FBXL19: variants seen among roughly 807,000 people sequenced by gnomAD.
FBXL19 encodes F-box/LRR-repeat protein 19.
Under a neutral mutation model 71.2 loss-of-function variants are expected in FBXL19, and 16 were observed. That is an observed-to-expected ratio of 0.22 (90% confidence interval 0.15 to 0.34). FBXL19 has a LOEUF of 0.34. Among genes scored for constraint, FBXL19 ranks in the 10% least tolerant of loss-of-function variants. The probability of loss-of-function intolerance (pLI) is 1.00; values close to 1 mark genes in which losing one functional copy is unlikely to be tolerated. For missense variants in FBXL19, 658 were observed against 968.2 expected, an observed-to-expected ratio of 0.68 and a Z score of 4.25; for synonymous variants, 447 against 409.4, an observed-to-expected ratio of 1.09 and a Z score of -1.11.
Position 30,930,407 on chromosome 16 carries a change from C to A in FBXL19, c.1124C>A (p.Pro375Gln). Residue 375 changes from proline (P) to glutamine (Q), a missense_variant, in exon 7 of 11, where the codon CCA (proline) becomes CAA (glutamine). Pro to Gln is a moderately conservative substitution (Grantham distance 76). Transcript: ENST00000338343. This position sits in a 1 kb window ranked among gnomAD's most constrained non-coding sequence, Gnocchi z 8.5. ...PLGPAPPPRP[P>Q]QLERHVVRPP... is the part of the protein sequence containing the mutation. ...GGCCCAGCCCCACCACCCCGGCCTC[C>A]ACAGCTGGAGCGGCACGTGGTGCGG... 1 of 1,528,218 alleles carries A rather than the reference C, an allele frequency of 6.5e-7. No individual in the cohort carries two copies. The highest frequency in any genetic ancestry group is 8.8e-7 in the Non-Finnish European group (1 of 1,142,552). The allele number at this position is 1,528,218 out of a possible 1,614,324, so 94.7% of individuals were successfully genotyped here. A position where few individuals can be genotyped will look rare whatever the true frequency, so the allele number is the denominator to read the frequency against.
rs1435101807 is a variant in FBXL19, at chr16:30,927,928, G to C, written c.592G>C (p.Glu198Gln). 2.6e-6 allele frequency: 4 copies of C among 1,542,826 alleles called. No individual in the cohort carries two copies. The highest frequency in any genetic ancestry group is 3.5e-6 in the Non-Finnish European group (4 of 1,152,540). ...VPGPPKRKER[E>Q]AGNEPPTPRK... The stretch of plus-strand genomic sequence containing the variant: ...TGGGCCCCCCAAACGAAAGGAAAGG[G>C]AGGCAGGGAATGAGCCTCCCACCCC... Residue 198 changes from glutamate (E) to glutamine (Q), a missense_variant, in exon 5 of 11, where the codon GAG (glutamate) becomes CAG (glutamine). Glu to Gln is a conservative substitution (Grantham distance 29, BLOSUM62 2). This residue lies in a region of FBXL19 where 447 missense variants were observed against 515.4 expected (regional missense o/e 0.87). Coordinates refer to ENST00000338343, the MANE Select transcript of FBXL19 (RefSeq NM_001382779.1).
At chr16:30,941,551 T>A (rs1325080107) in intron 7 of FBXL19, among the ~76,000 whole-genome samples, 1 of 151,990 alleles carries the variant, frequency 6.6e-6, no homozygotes, top group African/African-American at 2.4e-5. Context: ...AGTAATGTAA[T>A]AGGGAAGATA....
chr16:30,937,726 A>G (rs4889571), intron 7 of FBXL19, among the ~76,000 whole-genome samples: 81,301 of 152,024 alleles, frequency 0.53, 24,206 homozygotes, highest in East Asian at 0.91. Flanking sequence ...ACGTGTTGGC[A>G]TCAGACAGCA....
In FBXL19 at chr16:30,925,907, G is replaced by A. The variant is rs377258541; in HGVS notation, c.153G>A (p.Ser51=). The stretch of plus-strand genomic sequence containing the variant: ...GGGGGCCCGGGCGCATGAAGCAGTC[G>A]TGCCTGCTCCGGCAGTGCACTGCCG... ...KFGGPGRMKQ[S]CLLRQCTAPV... The change falls in exon 2 of 11, where the codon TCG becomes TCA. Residue 51 remains serine (S), a synonymous_variant. Transcript: ENST00000338343. The surrounding 1 kb of genome is among the most constrained non-coding windows in gnomAD (Gnocchi z 5.0). The A allele has an allele frequency of 1.2e-4, 176 of 1,496,210 alleles. No individual in the cohort carries two copies. The highest frequency in any genetic ancestry group is 5.2e-4 in the Admixed American group (21 of 40,528). 92.7% of individuals were successfully genotyped at this position (1,496,210 alleles called of 1,614,324 possible). A position where few individuals can be genotyped will look rare whatever the true frequency, so the allele number is the denominator to read the frequency against.
At chr16:30,944,346 C>G (rs2055835700) in intron 9 of FBXL19, among the ~76,000 whole-genome samples, 2 of 151,738 alleles carry the variant, frequency 1.3e-5, no homozygotes, top group African/African-American at 2.4e-5. Context: ...TCTCCTGATC[C>G]TCTCCCTCCT....
At chr16:30,935,991 A>G (rs1447349875) in intron 7 of FBXL19, among the ~76,000 whole-genome samples, 3 of 152,132 alleles carry the variant, frequency 2.0e-5, no homozygotes, top group Non-Finnish European at 4.4e-5. Context: ...GACGCCCACC[A>G]TCGCAGTCCT....
At position 30,930,041 on chromosome 16, in the gene FBXL19, C is replaced by G; in HGVS notation, c.790-32C>G. On this transcript the variant is annotated intron_variant, in intron 6 of 10. Transcript: ENST00000338343. The surrounding 1 kb of genome is among the most constrained non-coding windows in gnomAD (Gnocchi z 8.5). Reference sequence around the variant, plus strand: ...GGGGGTGGGAAAATGTATCCCAGGCCCTAGAACAGCATCAACCCTGTCTCC... The same window carrying G: ...GGGGGTGGGAAAATGTATCCCAGGCGCTAGAACAGCATCAACCCTGTCTCC... 2 of 1,595,132 alleles carry G rather than the reference C, an allele frequency of 1.3e-6. No individual in the cohort carries two copies. Among genetic ancestry groups the G allele is most frequent in the Non-Finnish European group, 1.7e-6 (2 of 1,169,068 alleles).
chr16:30,925,451 G>GCT lies in FBXL19; in HGVS notation c.-24-279_-24-278insTC, dbSNP rs2055579901. ...CGGTGTGGGGATGGCAGAGGAGAGG[G>GCT]CCTCGGTGTCCCCTCCTGCTCCCTG... On this transcript the variant is annotated intron_variant, in intron 1 of 10. Coordinates refer to ENST00000338343, the MANE Select transcript of FBXL19 (RefSeq NM_001382779.1). This position sits in a 1 kb window ranked among gnomAD's most constrained non-coding sequence, Gnocchi z 5.0. 6.6e-6 allele frequency among the ~76,000 whole-genome samples: 1 copy of GCT among 152,144 alleles called. No individual in the cohort carries two copies. Among genetic ancestry groups the GCT allele is most frequent in the African/African-American group, 2.4e-5 (1 of 41,426 alleles).
intron 7 of FBXL19, among the ~76,000 whole-genome samples, chr16:30,932,967 G>A (rs2055691896): frequency 6.8e-6 from 1 of 147,896 alleles, no homozygotes; most frequent in Non-Finnish European, 1.5e-5. Flanking sequence ...CAGCCTCCCA[G>A]GTAGCTGGGA....
intron 9 of FBXL19, among the ~76,000 whole-genome samples, chr16:30,945,705 C>T (rs1168631348): frequency 6.7e-6 from 1 of 148,310 alleles, no homozygotes; most frequent in Non-Finnish European, 1.5e-5. Context: ...GGTGCGGTGG[C>T]TCAGGCCTGT....
At chr16:30,933,328 G>C (rs540377620) in intron 7 of FBXL19, among the ~76,000 whole-genome samples, 2 of 151,120 alleles carry the variant, frequency 1.3e-5, no homozygotes, top group Admixed American at 6.6e-5. Flanking sequence ...TAGTAGAGAC[G>C]GGGTTTTGCC....
chr16:30,923,570 G>A (rs2055550786), upstream of FBXL19, among the ~76,000 whole-genome samples: 1 of 145,120 alleles, frequency 6.9e-6, no homozygotes, highest in Non-Finnish European at 1.5e-5. Flanking sequence ...AGGGGAGGGG[G>A]GAAGAGAGGA....
rs1244891349 is a variant in FBXL19, at chr16:30,942,749, C to T, written c.1627+213C>T. Among the ~76,000 whole-genome samples, 3 of 152,212 alleles carry T rather than the reference C, an allele frequency of 2.0e-5. No individual in the cohort carries two copies. The highest frequency in any genetic ancestry group is 4.4e-5 in the Non-Finnish European group (3 of 68,034). On this transcript the variant is annotated intron_variant, in intron 9 of 10. Transcript: ENST00000338343. The surrounding 1 kb of genome is among the most constrained non-coding windows in gnomAD (Gnocchi z 5.7). ...TGAGTCTTGAAAGGAACAGGGTTTTCCCAGGGAGTGTGAGACTCAGCAGTT... is the reference window on the plus strand; with the variant it reads ...TGAGTCTTGAAAGGAACAGGGTTTTTCCAGGGAGTGTGAGACTCAGCAGTT...
intron 9 of FBXL19, among the ~76,000 whole-genome samples, chr16:30,945,700 G>A (rs982544628): frequency 6.0e-5 from 9 of 150,168 alleles, no homozygotes; most frequent in East Asian, 1.9e-4. Flanking sequence ...GGTCAGGTGC[G>A]GTGGCTCAGG....
At chr16:30,940,217 C>T (rs940377483) in intron 7 of FBXL19, among the ~76,000 whole-genome samples, 12 of 151,344 alleles carry the variant, frequency 7.9e-5, no homozygotes, top group African/African-American at 2.7e-4. Context: ...AAGATCACAC[C>T]ATTGCACTCC....
intron 1 of FBXL19, chr16:30,924,726 C>A (rs940165018): frequency 1.5e-5 from 23 of 1,500,920 alleles, no homozygotes; most frequent in African/African-American, 2.9e-5. Flanking sequence ...GCCCCTTAGC[C>A]CCATGGATGG....
rs1442306503 is a variant in FBXL19, at chr16:30,948,251, G to A, written c.*1021G>A. On this transcript the variant is annotated 3_prime_UTR_variant, in exon 11 of 11. Coordinates refer to ENST00000338343, the MANE Select transcript of FBXL19 (RefSeq NM_001382779.1). ...GGGGACCATGGGACTCCTCCAGCCT[G>A]GCTCTTCCCACTCTTTCATCGTCAT... 6.5e-6 allele frequency: 1 copy of A among 154,472 alleles called. No individual in the cohort carries two copies. Among genetic ancestry groups the A allele is most frequent in the Non-Finnish European group, 1.4e-5 (1 of 69,110 alleles). The allele number at this position is 154,472 out of a possible 1,614,324, so 9.6% of individuals were successfully genotyped here. A position where few individuals can be genotyped will look rare whatever the true frequency, so the allele number is the denominator to read the frequency against.
chr16:30,948,554 A>G lies in FBXL19; in HGVS notation c.*1324A>G, dbSNP rs2055893896. The G allele has an allele frequency of 7.4e-6, 1 of 135,482 alleles. No individual in the cohort carries two copies. The highest frequency in any genetic ancestry group is 1.6e-5 in the Non-Finnish European group (1 of 64,162). 8.4% of individuals were successfully genotyped at this position (135,482 alleles called of 1,614,324 possible). A position where few individuals can be genotyped will look rare whatever the true frequency, so the allele number is the denominator to read the frequency against. On this transcript the variant is annotated 3_prime_UTR_variant, in exon 11 of 11. Coordinates refer to ENST00000338343, the MANE Select transcript of FBXL19 (RefSeq NM_001382779.1). ...TTACCATGTAGGGGAGGGGAGATCT[A>G]TCCACATACCTCAGGTAACAGGGAG...
intron 7 of FBXL19, among the ~76,000 whole-genome samples, chr16:30,939,796 G>A (rs1258071434): frequency 6.6e-6 from 1 of 152,036 alleles, no homozygotes; most frequent in African/African-American, 2.4e-5. Context: ...AGCAAATACT[G>A]GAGCTTGGGA....
Sources: gnomAD v4.1 joint callset for allele counts (sites outside exome capture counted in the v4.1 genomes callset) on GRCh38, gnomAD v4.1.1 for gene constraint, gnomAD v4.1.1 regional missense constraint, Gnocchi (gnomAD v3.1) non-coding constraint, MANE v1.5 for transcripts, NCBI Gene and HGNC (gene_info 2026-07-23, HGNC 2026-07-21) for gene names.